CHODL: variants seen among roughly 807,000 people sequenced by gnomAD.
CHODL encodes the protein chondrolectin, also known as transmembrane protein MT75.
Under a neutral mutation model 34.5 loss-of-function variants are expected in CHODL, and 29 were observed. The ratio of observed to expected loss-of-function variants is 0.84; its 90% CI spans 0.63 to 1.15. The LOEUF (loss-of-function observed/expected upper bound fraction) is 1.15, where lower values mean the gene tolerates loss of function less well. Ranked by LOEUF, CHODL falls within the 50% of genes most tolerant of loss-of-function variation. The pLI is 0.00. For synonymous variants in CHODL, 125 were observed against 116.1 expected (o/e 1.08, Z -0.49); for missense variants, 332 against 332.5 (o/e 1.00, Z 0.01).
intron 2 of CHODL, among the ~76,000 whole-genome samples, chr21:18,233,142 C>T (rs1247207794): frequency 1.3e-5 from 2 of 151,814 alleles, no homozygotes; most frequent in Non-Finnish European, 2.9e-5. Context: ...ACTCTCCAGC[C>T]TCTGATAACC....
upstream of CHODL, among the ~76,000 whole-genome samples, chr21:18,243,018 G>A (rs993775544): frequency 1.3e-5 from 2 of 152,108 alleles, no homozygotes; most frequent in Non-Finnish European, 2.9e-5. Context: ...AGAGTAGGGT[G>A]GCATGAAAGG....
chr21:18,106,661 A>AT (rs1477248321), intron 2 of CHODL, among the ~76,000 whole-genome samples: 1 of 151,240 alleles, frequency 6.6e-6, no homozygotes, highest in Non-Finnish European at 1.5e-5. Context: ...CACCTGGCCA[A>AT]TTTTTTCTAT....
chr21:18,199,014 T>A (rs1323893940), intron 2 of CHODL, among the ~76,000 whole-genome samples: 1 of 152,090 alleles, frequency 6.6e-6, no homozygotes, highest in Non-Finnish European at 1.5e-5. Flanking sequence ...AAAGAGATAC[T>A]ACAGGCCAAG....
chr21:18,242,993 G>A (rs980148797), upstream of CHODL, among the ~76,000 whole-genome samples: 5 of 152,088 alleles, frequency 3.3e-5, no homozygotes, highest in Non-Finnish European at 7.4e-5. Context: ...CAGTAGCTCT[G>A]GGCATGAGTA....
intron 1 of CHODL, among the ~76,000 whole-genome samples, chr21:17,982,520 A>C (rs1048330280): frequency 6.6e-6 from 1 of 151,846 alleles, no homozygotes; most frequent in African/African-American, 2.4e-5. Flanking sequence ...CCCATGAAAA[A>C]TTATTTTATT....
intron 1 of CHODL, among the ~76,000 whole-genome samples, chr21:17,932,793 G>A (rs1319458972): frequency 1.3e-5 from 2 of 152,184 alleles, no homozygotes; most frequent in Non-Finnish European, 2.9e-5. Flanking sequence ...AAAAGAAAAA[G>A]ACACAGAGAC....
intron 2 of CHODL, among the ~76,000 whole-genome samples, chr21:18,184,728 C>T (rs8131052): frequency 0.093 from 14,100 of 152,184 alleles, 750 homozygotes; most frequent in East Asian, 0.21. Context: ...ACATCAGGGG[C>T]AGAGGTGGGC....
chr21:18,112,357 T>G (rs2146563666), intron 2 of CHODL, among the ~76,000 whole-genome samples: 1 of 152,282 alleles, frequency 6.6e-6, no homozygotes, highest in South Asian at 2.1e-4. Context: ...TATATATTTT[T>G]TAATGCAATC....
chr21:17,978,421 C>CAAAA (rs914459888), intron 1 of CHODL, among the ~76,000 whole-genome samples: 7 of 73,226 alleles, frequency 9.6e-5, no homozygotes, highest in African/African-American at 3.0e-4. Flanking sequence ...GACTCCGTAT[C>CAAAA]AAAAAAAAAA....
intron 1 of CHODL, among the ~76,000 whole-genome samples, chr21:17,920,042 A>G (rs1441517665): frequency 6.6e-6 from 1 of 152,178 alleles, no homozygotes. Context: ...CCATATCATT[A>G]TCAGCATTTT....
chr21:18,002,829 A>G (rs974366358), intron 1 of CHODL, among the ~76,000 whole-genome samples: 8 of 152,192 alleles, frequency 5.3e-5, no homozygotes, highest in Non-Finnish European at 1.0e-4. Context: ...CTGGGGACAG[A>G]GTCCAAGAGC....
intron 2 of CHODL, among the ~76,000 whole-genome samples, chr21:18,150,370 T>G (rs574836698): frequency 6.6e-6 from 1 of 152,254 alleles, no homozygotes; most frequent in Admixed American, 6.5e-5. Flanking sequence ...TGAACCAGTC[T>G]CTCAGGTTAA....
At chr21:17,917,982 C>T (rs934571837) in intron 1 of CHODL, among the ~76,000 whole-genome samples, 6 of 151,718 alleles carry the variant, frequency 4.0e-5, no homozygotes, top group Non-Finnish European at 7.4e-5. Flanking sequence ...AAATGTGCTA[C>T]TATATGGGAA....
chr21:18,231,233 C>T (rs1158594948), intron 2 of CHODL, among the ~76,000 whole-genome samples: 1 of 152,130 alleles, frequency 6.6e-6, no homozygotes, highest in East Asian at 1.9e-4. Context: ...TAAATTTCAG[C>T]TCCTTTCCCT....
rs772514007 is a variant in CHODL at position 17,994,963 on chromosome 21, CTTTG to C, written c.-144-32903_-144-32900del. Among the ~76,000 whole-genome samples, 6 of 152,210 alleles carry C rather than the reference CTTTG, an allele frequency of 3.9e-5. 1 individual carries two copies. Among genetic ancestry groups the C allele is most frequent in the Admixed American group, 1.3e-4 (2 of 15,294 alleles). ...TCTGGGGAGCAAATACTTTGGCTTCCTTTGTTTGTGGGGCAACCTCGCTGGTGCA... is the reference window on the plus strand; with the variant it reads ...TCTGGGGAGCAAATACTTTGGCTTCCTTTGTGGGGCAACCTCGCTGGTGCA... On this transcript the variant is annotated intron_variant, in intron 1 of 6. Transcript: ENST00000400127.
At chr21:18,106,812 T>G (rs537574737) in intron 2 of CHODL, among the ~76,000 whole-genome samples, 62 of 152,316 alleles carry the variant, frequency 4.1e-4, no homozygotes, top group African/African-American at 1.4e-3. Flanking sequence ...TTCTTAATTC[T>G]AATTCCTGGG....
At chr21:17,978,328 A>G (rs2063683859) in intron 1 of CHODL, among the ~76,000 whole-genome samples, 1 of 150,852 alleles carries the variant, frequency 6.6e-6, no homozygotes, top group Non-Finnish European at 1.5e-5. Context: ...AGGCTGAGGC[A>G]GGAGAATGGT....
At chr21:18,048,059 C>G (rs2064466877) in intron 2 of CHODL, among the ~76,000 whole-genome samples, 1 of 151,866 alleles carries the variant, frequency 6.6e-6, no homozygotes. Flanking sequence ...ATGTCCTGTG[C>G]TTGTGAGAAG....
In CHODL at chr21:18,097,794, A is replaced by G. The variant is rs144751193; in HGVS notation, c.-45+69823A>G. Among the ~76,000 whole-genome samples, 175 of 152,260 alleles carry G rather than the reference A, an allele frequency of 1.1e-3. 2 individuals are homozygous for G. Among genetic ancestry groups the G allele is most frequent in the African/African-American group, 4.0e-3 (167 of 41,588 alleles). ...GAGCAAAAAGAACAAAACTAGTGGA[A>G]TCACATTACTTGACTTAAAATTATG... On this transcript the variant is annotated intron_variant, in intron 2 of 6. Transcript: ENST00000400127.
Sources: gnomAD v4.1 joint callset for allele counts (sites outside exome capture counted in the v4.1 genomes callset) on GRCh38, gnomAD v4.1.1 for gene constraint, MANE v1.5 for transcripts, NCBI Gene and HGNC (gene_info 2026-07-23, HGNC 2026-07-21) for gene names.